The following ANKS1B variants were observed in gnomAD, a reference collection of about 807,000 sequenced individuals.
ANKS1B encodes ankyrin repeat and sterile alpha motif domain containing 1B, also known as ankyrin repeat and sterile alpha motif domain-containing protein 1B.
In ANKS1B, 36 loss-of-function variants were observed where a neutral mutation model predicts 148.3. The observed-to-expected ratio is 0.24, with a 90% CI of 0.19 to 0.32. ANKS1B has a LOEUF of 0.32. ANKS1B is among the 10% of genes least tolerant of loss of function. The pLI is 1.00. For synonymous variants in ANKS1B, 542 were observed against 560.8 expected (o/e 0.97, Z 0.47); for missense variants, 1,157 against 1,542.6 (o/e 0.75, Z 4.19).
intron 14 of ANKS1B, among the ~76,000 whole-genome samples, chr12:99,204,643 G>A (rs2082428205): frequency 6.6e-6 from 1 of 152,176 alleles, no homozygotes; most frequent in Non-Finnish European, 1.5e-5. Flanking sequence ...TTGCTTTCAA[G>A]TACTTTGTAG....
At chr12:98,798,521 T>G (rs183464648) in intron 22 of ANKS1B, among the ~76,000 whole-genome samples, 1 of 152,190 alleles carries the variant, frequency 6.6e-6, no homozygotes, top group East Asian at 1.9e-4. Context: ...AGAAATTGCA[T>G]AAAGAATATT....
At chr12:98,748,718 T>C (rs965091865) in intron 26 of ANKS1B, among the ~76,000 whole-genome samples, 1 of 152,212 alleles carries the variant, frequency 6.6e-6, no homozygotes, top group African/African-American at 2.4e-5. Context: ...TTGAAGCACA[T>C]AAATAACATC....
intron 15 of ANKS1B, among the ~76,000 whole-genome samples, chr12:99,153,092 A>G (rs2075367705): frequency 6.6e-6 from 1 of 152,300 alleles, no homozygotes; most frequent in Admixed American, 6.5e-5. Context: ...TAGAGCTCAT[A>G]TATCTTACTA....
At chr12:98,908,119 C>T (rs1029958863) in intron 17 of ANKS1B, among the ~76,000 whole-genome samples, 6 of 152,088 alleles carry the variant, frequency 3.9e-5, no homozygotes, top group African/African-American at 1.4e-4. Flanking sequence ...CACATCCTGG[C>T]CTAGGGATTG....
At chr12:99,735,479 A>G (rs1396732099) in intron 8 of ANKS1B, among the ~76,000 whole-genome samples, 1 of 152,168 alleles carries the variant, frequency 6.6e-6, no homozygotes, top group East Asian at 1.9e-4. Context: ...GACTATTATT[A>G]ACAGCTATAC....
intron 9 of ANKS1B, among the ~76,000 whole-genome samples, chr12:99,542,751 CA>C (rs965910029): frequency 1.7e-4 from 26 of 152,032 alleles, no homozygotes; most frequent in African/African-American, 5.5e-4. Flanking sequence ...GTTTTTTCAA[CA>C]AATGGTGCTG....
chr12:99,568,505 T>C lies in ANKS1B; in HGVS notation c.1273-63864A>G, dbSNP rs74667141. Among the ~76,000 whole-genome samples the C allele has an allele frequency of 4.8e-3, 733 of 152,332 alleles. 32 individuals are homozygous for C. In the South Asian group the frequency reaches 0.065, roughly 14 times the overall value. Reference sequence around the variant, plus strand: ...TCTTTCAGGGGTCTCATTTTGGTTATCACAACTTCCAAATACCTTTCTAAT... The same window carrying C: ...TCTTTCAGGGGTCTCATTTTGGTTACCACAACTTCCAAATACCTTTCTAAT... On this transcript the variant is annotated intron_variant, in intron 9 of 26. Coordinates refer to ENST00000683438, the MANE Select transcript of ANKS1B (RefSeq NM_001352186.2).
chr12:99,604,261 A>C (rs1438056555), intron 9 of ANKS1B, among the ~76,000 whole-genome samples: 2 of 152,102 alleles, frequency 1.3e-5, no homozygotes, highest in Non-Finnish European at 2.9e-5. Context: ...ATAATTTTTA[A>C]ACACTCATAT....
At chr12:99,175,167 A>C (rs557093605) in intron 14 of ANKS1B, among the ~76,000 whole-genome samples, 3 of 152,184 alleles carry the variant, frequency 2.0e-5, no homozygotes, top group Non-Finnish European at 4.4e-5. Flanking sequence ...GTTGCTTTCT[A>C]CTGTGTCCAC....
intron 9 of ANKS1B, among the ~76,000 whole-genome samples, chr12:99,638,744 A>G (rs1210110746): frequency 6.6e-6 from 1 of 152,180 alleles, no homozygotes; most frequent in Admixed American, 6.5e-5. Flanking sequence ...CATGTCAGAG[A>G]CATTCACAGC....
At chr12:99,935,738 T>C (rs2094749808) in intron 1 of ANKS1B, among the ~76,000 whole-genome samples, 1 of 152,134 alleles carries the variant, frequency 6.6e-6, no homozygotes, top group African/African-American at 2.4e-5. Flanking sequence ...AAAGGCTCAC[T>C]TGATTAGATC....
At chr12:99,453,848 C>T (rs1016383320) in intron 10 of ANKS1B, among the ~76,000 whole-genome samples, 4 of 152,038 alleles carry the variant, frequency 2.6e-5, no homozygotes, top group African/African-American at 7.3e-5. Flanking sequence ...AATATAATTA[C>T]AAAATTGTGT....
At chr12:98,876,399 G>C (rs1433654122) in intron 17 of ANKS1B, among the ~76,000 whole-genome samples, 5 of 152,210 alleles carry the variant, frequency 3.3e-5, no homozygotes, top group Non-Finnish European at 7.3e-5. Flanking sequence ...TTTCTAGGTA[G>C]AGCTGAGCAT....
In ANKS1B at chr12:99,952,182, T is replaced by C. The variant is rs560576666; in HGVS notation, c.134+31922A>G. Among the ~76,000 whole-genome samples, 28 of 152,278 alleles carry C rather than the reference T, an allele frequency of 1.8e-4. 1 individual carries two copies. The South Asian group carries it at 5.8e-3, about 32-fold the overall frequency. ...CACATAACCAAGTCCAGAGTCAGTA[T>C]GGAGGGCACCTGCAAAAGGCTTGGA... is the stretch of plus-strand genomic sequence containing the variant. On this transcript the variant is annotated intron_variant, in intron 1 of 26. Coordinates refer to ENST00000683438, the MANE Select transcript of ANKS1B (RefSeq NM_001352186.2).
At chr12:99,581,814 C>G (rs1208842172) in intron 9 of ANKS1B, among the ~76,000 whole-genome samples, 4 of 151,272 alleles carry the variant, frequency 2.6e-5, no homozygotes, top group Non-Finnish European at 5.9e-5. Context: ...TGGCGTCAAC[C>G]CGGGAAGCGG....
intron 17 of ANKS1B, among the ~76,000 whole-genome samples, chr12:98,903,370 A>G (rs894884281): frequency 2.0e-5 from 3 of 152,110 alleles, no homozygotes; most frequent in African/African-American, 7.2e-5. Flanking sequence ...CAAGCAGAAG[A>G]TTCCATCATG....
intron 10 of ANKS1B, among the ~76,000 whole-genome samples, chr12:99,501,084 T>C (rs539280443): frequency 2.7e-5 from 4 of 146,954 alleles, no homozygotes; most frequent in African/African-American, 1.1e-4. Context: ...TTTTCATTTC[T>C]AAAAGTTTTT....
At chr12:99,643,008 T>TCC (rs35638322) in intron 9 of ANKS1B, among the ~76,000 whole-genome samples, 26 of 151,422 alleles carry the variant, frequency 1.7e-4, no homozygotes, top group East Asian at 5.8e-4. Context: ...TCCAGGATAA[T>TCC]CCCCCCCCAT....
At position 99,190,580 on chromosome 12, in the gene ANKS1B, C is replaced by A. The variant is rs141258662; in HGVS notation, c.2420-36185G>T. Among the ~76,000 whole-genome samples, 631 of 152,278 alleles carry A rather than the reference C, an allele frequency of 4.1e-3. 23 individuals carry two copies. The East Asian group carries it at 0.085, about 21-fold the overall frequency. On this transcript the variant is annotated intron_variant, in intron 14 of 26. Coordinates refer to ENST00000683438, the MANE Select transcript of ANKS1B (RefSeq NM_001352186.2). ...TGATCTCTGACAAGCCTGACAAAAA[C>A]AAGCAATGGGGAAAGGATTCCCTAT...
Sources: gnomAD v4.1 joint callset for allele counts (sites outside exome capture counted in the v4.1 genomes callset) on GRCh38, gnomAD v4.1.1 for gene constraint, MANE v1.5 for transcripts, NCBI Gene and HGNC (gene_info 2026-07-23, HGNC 2026-07-21) for gene names.